The following SLC4A4 variants were observed in gnomAD, a reference collection of about 807,000 sequenced individuals.
The protein encoded by SLC4A4 is solute carrier family 4 member 4.
A neutral mutation model predicts 111.5 loss-of-function variants in SLC4A4; 27 were observed. That is an observed-to-expected ratio of 0.24 (90% CI 0.18 to 0.33). The LOEUF (loss-of-function observed/expected upper bound fraction) is 0.33, where lower values mean the gene tolerates loss of function less well. Among genes scored for constraint, SLC4A4 ranks in the 10% least tolerant of loss-of-function variants. The probability of loss-of-function intolerance (pLI) is 1.00; values close to 1 mark genes in which losing one functional copy is unlikely to be tolerated. For synonymous variants in SLC4A4, 443 were observed against 463.4 expected (o/e 0.96, Z 0.57); for missense variants, 909 against 1,315.5 (o/e 0.69, Z 4.78).
At chr4:71,480,371 A>G (rs1157805223) in intron 14 of SLC4A4, among the ~76,000 whole-genome samples, 1 of 151,378 alleles carries the variant, frequency 6.6e-6, no homozygotes, top group Non-Finnish European at 1.5e-5. Flanking sequence ...AAAGGATAAT[A>G]AGAAAAAAAA....
At chr4:71,542,624 T>C (rs1424462787) in intron 18 of SLC4A4, among the ~76,000 whole-genome samples, 1 of 152,142 alleles carries the variant, frequency 6.6e-6, no homozygotes, top group Non-Finnish European at 1.5e-5. Context: ...ATCTCTGAGC[T>C]GGTTATGGCT....
chr4:71,490,511 C>T (rs72853265), intron 15 of SLC4A4, among the ~76,000 whole-genome samples: 21,566 of 151,608 alleles, frequency 0.14, 1,976 homozygotes, highest in African/African-American at 0.26. Context: ...GGGGATCTTT[C>T]TTTGCCCAAA....
At chr4:71,242,778 G>A (rs1218988729) in intron 2 of SLC4A4, among the ~76,000 whole-genome samples, 1 of 150,348 alleles carries the variant, frequency 6.7e-6, no homozygotes, top group African/African-American at 2.4e-5. Flanking sequence ...ATTTTCTTTG[G>A]TTATTATAAT....
chr4:71,148,186 G>T (rs1744229057), intron 2 of SLC4A4, among the ~76,000 whole-genome samples: 1 of 152,146 alleles, frequency 6.6e-6, no homozygotes, highest in Non-Finnish European at 1.5e-5. Flanking sequence ...GAACTTCCAA[G>T]TTCCTGAGAT....
chr4:71,080,927 A>G (rs1741978732), intron 1 of SLC4A4, among the ~76,000 whole-genome samples: 1 of 152,126 alleles, frequency 6.6e-6, no homozygotes, highest in African/African-American at 2.4e-5. Flanking sequence ...CAAAATACAT[A>G]AGTGGAAATA....
chr4:71,195,789 G>A (rs1441274599), intron 1 of SLC4A4, among the ~76,000 whole-genome samples: 2 of 152,196 alleles, frequency 1.3e-5, no homozygotes, highest in African/African-American at 2.4e-5. Context: ...TTAACAAATA[G>A]GATTATGACA....
chr4:71,222,040 G>C (rs754606140), intron 1 of SLC4A4, among the ~76,000 whole-genome samples: 1 of 152,194 alleles, frequency 6.6e-6, no homozygotes, highest in Non-Finnish European at 1.5e-5. Flanking sequence ...CAGAGACTTA[G>C]GTAAAGACTA....
chr4:71,523,803 C>T (rs1267789918), intron 16 of SLC4A4, among the ~76,000 whole-genome samples: 2 of 152,062 alleles, frequency 1.3e-5, no homozygotes, highest in Non-Finnish European at 2.9e-5. Flanking sequence ...TTTTTAGGCC[C>T]TGGAACCCTT....
intron 11 of SLC4A4, 23 bp from the exon 12 acceptor site, chr4:71,453,472 A>T (rs200876025): frequency 5.2e-5 from 83 of 1,609,654 alleles, no homozygotes; most frequent in Non-Finnish European, 7.0e-5. Context: ...CATTTAGTGG[A>T]TGTTTGCATT....
intron 3 of SLC4A4, among the ~76,000 whole-genome samples, chr4:71,258,711 A>G (rs1239836829): frequency 2.0e-5 from 3 of 152,242 alleles, no homozygotes; most frequent in East Asian, 3.9e-4. Flanking sequence ...TCGTATTTAT[A>G]TTTCCCTGCC....
At chr4:71,555,707 T>C (rs1395383957) in intron 21 of SLC4A4, among the ~76,000 whole-genome samples, 1 of 151,958 alleles carries the variant, frequency 6.6e-6, no homozygotes, top group African/African-American at 2.4e-5. Flanking sequence ...AAACTTCAGC[T>C]ATTCATAACT....
At chr4:71,462,338 C>T (rs551926988) in intron 12 of SLC4A4, among the ~76,000 whole-genome samples, 21 of 152,026 alleles carry the variant, frequency 1.4e-4, no homozygotes, top group African/African-American at 3.9e-4. Flanking sequence ...ATTCAGATGT[C>T]CCTGACTCCA....
intron 4 of SLC4A4, among the ~76,000 whole-genome samples, chr4:71,340,236 GAAAT>G (rs1475964059): frequency 1.3e-5 from 2 of 151,804 alleles, no homozygotes; most frequent in Non-Finnish European, 2.9e-5. Flanking sequence ...AAAATTAAAT[GAAAT>G]AAAAAAGAGA....
chr4:71,239,518 C>G (rs1720045444), intron 2 of SLC4A4, among the ~76,000 whole-genome samples: 1 of 152,142 alleles, frequency 6.6e-6, no homozygotes, highest in African/African-American at 2.4e-5. Flanking sequence ...CTCAGTTCAC[C>G]TTGTTCAACT....
rs34995813 is a variant in SLC4A4, at chr4:71,208,430, C to CAAA, written c.-2+21041_-2+21043dup. Among the ~76,000 whole-genome samples the CAAA allele has an allele frequency of 1.2e-3, 129 of 110,292 alleles. 1 individual carries two copies. Among genetic ancestry groups the CAAA allele is most frequent in the African/African-American group, 2.9e-3 (95 of 32,484 alleles). The allele number at this position is 110,292 out of a possible 152,430, so 72.4% of individuals were successfully genotyped here. ...TGGGCGACAGGGTGAGACTCCGTCT[C>CAAA]AAAAAAAAAAAAAATATATATATAT... On this transcript the variant is annotated intron_variant, in intron 1 of 25. Transcript: ENST00000264485.
intron 3 of SLC4A4, among the ~76,000 whole-genome samples, chr4:71,287,214 A>G (rs1723982471): frequency 6.6e-6 from 1 of 152,260 alleles, no homozygotes; most frequent in Admixed American, 6.5e-5. Context: ...TATACAACTC[A>G]TTCTAGAAAG....
chr4:71,231,027 C>G (rs1719389155), intron 1 of SLC4A4, among the ~76,000 whole-genome samples: 1 of 152,190 alleles, frequency 6.6e-6, no homozygotes, highest in Non-Finnish European at 1.5e-5. Flanking sequence ...AAAGTTTTAA[C>G]CCTGAAAGCA....
At chr4:71,153,146 C>T (rs960136073) in intron 2 of SLC4A4, among the ~76,000 whole-genome samples, 15 of 151,550 alleles carry the variant, frequency 9.9e-5, no homozygotes, top group Admixed American at 3.3e-4. Context: ...AGAGCCAGTC[C>T]GAGTCCCAAA....
At chr4:71,229,935 C>T (rs1719305490) in intron 1 of SLC4A4, among the ~76,000 whole-genome samples, 1 of 151,080 alleles carries the variant, frequency 6.6e-6, no homozygotes, top group Non-Finnish European at 1.5e-5. Flanking sequence ...GTGCACTTTG[C>T]AGCCACTGAG....
Sources: gnomAD v4.1 joint callset for allele counts (sites outside exome capture counted in the v4.1 genomes callset) on GRCh38, gnomAD v4.1.1 for gene constraint, MANE v1.5 for transcripts, NCBI Gene and HGNC (gene_info 2026-07-23, HGNC 2026-07-21) for gene names.